Variants in PACRG observed in about 807,000 individuals in gnomAD.
PACRG encodes parkin coregulated gene protein.
PACRG carries 29 observed loss-of-function variants against 29.7 expected under a neutral mutation model. The observed-to-expected ratio is 0.98, with a 90% confidence interval of 0.73 to 1.33. The LOEUF (loss-of-function observed/expected upper bound fraction) is 1.33. Ranked by LOEUF, PACRG falls within the 40% of genes most tolerant of loss-of-function variation. PACRG has a pLI of 0.00. For synonymous variants in PACRG, 116 were observed against 118.7 expected (o/e 0.98, Z 0.15); for missense variants, 279 against 316.2 (o/e 0.88, Z 0.89).
chr6:163,228,306 C>T (rs1408756693), intron 4 of PACRG, among the ~76,000 whole-genome samples: 1 of 126,496 alleles, frequency 7.9e-6, no homozygotes, highest in African/African-American at 3.0e-5. Context: ...AGAGGGTGTT[C>T]TTAATCTACG....
chr6:162,960,034 T>A (rs1173006638), intron 2 of PACRG, among the ~76,000 whole-genome samples: 2 of 151,996 alleles, frequency 1.3e-5, no homozygotes, highest in Non-Finnish European at 2.9e-5. Context: ...ATCAGAGAAA[T>A]GCAAATCAAA....
chr6:162,737,580 G>A (rs985540391), intron 1 of PACRG, among the ~76,000 whole-genome samples: 3 of 152,010 alleles, frequency 2.0e-5, no homozygotes, highest in Non-Finnish European at 4.4e-5. Flanking sequence ...AATTTTTAAC[G>A]AATGTCCACA....
intron 2 of PACRG, among the ~76,000 whole-genome samples, chr6:163,054,762 C>G (rs570693072): frequency 6.6e-6 from 1 of 152,298 alleles, no homozygotes; most frequent in South Asian, 2.1e-4. Flanking sequence ...ACCAGCCATT[C>G]GCATCCCAGT....
intron 2 of PACRG, chr6:163,042,987 TC>T (rs1192748163): frequency 1.2e-4 from 19 of 152,200 alleles, no homozygotes; most frequent in African/African-American, 4.3e-4. Context: ...TATGTTCTTA[TC>T]CCCTAGATTT....
intron 2 of PACRG, among the ~76,000 whole-genome samples, chr6:162,829,169 A>G (rs766594933): frequency 3.9e-5 from 6 of 152,252 alleles, no homozygotes; most frequent in Non-Finnish European, 5.9e-5. Context: ...AAAAACAAAC[A>G]GGAAATGATG....
intron 1 of PACRG, among the ~76,000 whole-genome samples, chr6:162,803,603 G>A (rs1786064519): frequency 6.6e-6 from 1 of 152,080 alleles, no homozygotes; most frequent in Non-Finnish European, 1.5e-5. Flanking sequence ...GGGAAACAAA[G>A]ATGATAAGAT....
intron 2 of PACRG, among the ~76,000 whole-genome samples, chr6:162,996,809 C>A (rs55983894): frequency 0.038 from 5,763 of 152,130 alleles, 340 homozygotes; most frequent in African/African-American, 0.12. Context: ...TTTTCAAATT[C>A]TTTTCTACCA....
intron 2 of PACRG, among the ~76,000 whole-genome samples, chr6:163,040,191 C>G (rs142150720): frequency 9.9e-4 from 151 of 152,340 alleles, no homozygotes; most frequent in African/African-American, 3.5e-3. Flanking sequence ...AGGCCATTGC[C>G]TCAAAGTGTG....
intron 2 of PACRG, among the ~76,000 whole-genome samples, chr6:162,866,656 C>T (rs1245209492): frequency 6.6e-6 from 1 of 152,150 alleles, no homozygotes; most frequent in African/African-American, 2.4e-5. Context: ...ATTTCCAATT[C>T]CCCTGTTTCA....
intron 2 of PACRG, among the ~76,000 whole-genome samples, chr6:162,819,210 A>T (rs1376820322): frequency 6.6e-6 from 1 of 152,146 alleles, no homozygotes; most frequent in East Asian, 1.9e-4. Context: ...GCCTCTACTC[A>T]CTGCCAAAAA....
chr6:162,760,059 T>C (rs987495348), intron 1 of PACRG, among the ~76,000 whole-genome samples: 8 of 152,114 alleles, frequency 5.3e-5, no homozygotes, highest in Non-Finnish European at 1.2e-4. Flanking sequence ...CATTCCTGAT[T>C]GATTTGAGGC....
intron 2 of PACRG, among the ~76,000 whole-genome samples, chr6:162,956,323 C>G (rs1800030099): frequency 6.6e-6 from 1 of 152,146 alleles, no homozygotes; most frequent in South Asian, 2.1e-4. Context: ...TGCTGTTAGT[C>G]TACGGTGACA....
intron 4 of PACRG, among the ~76,000 whole-genome samples, chr6:163,219,127 C>T (rs1356270640): frequency 2.6e-5 from 4 of 152,168 alleles, no homozygotes; most frequent in South Asian, 2.1e-4. Flanking sequence ...GTCCAACCGC[C>T]GCCTCACTAT....
At chr6:163,193,481 G>A (rs1280053616) in intron 4 of PACRG, among the ~76,000 whole-genome samples, 1 of 152,028 alleles carries the variant, frequency 6.6e-6, no homozygotes, top group African/African-American at 2.4e-5. Flanking sequence ...TATCAACAAG[G>A]CGATTGTTCC....
intron 4 of PACRG, among the ~76,000 whole-genome samples, chr6:163,135,184 C>A (rs1051349189): frequency 6.0e-5 from 8 of 133,900 alleles, no homozygotes; most frequent in African/African-American, 1.6e-4. Context: ...CTAGTTAAGT[C>A]ATTTTTTTTT....
chr6:163,074,576 A>T (rs1425135884), intron 3 of PACRG, among the ~76,000 whole-genome samples: 1 of 152,230 alleles, frequency 6.6e-6, no homozygotes, highest in Non-Finnish European at 1.5e-5. Flanking sequence ...TATTAGTAAC[A>T]TAAAGAATAA....
At chr6:163,115,318 G>T (rs1388689883) in intron 4 of PACRG, among the ~76,000 whole-genome samples, 2 of 152,100 alleles carry the variant, frequency 1.3e-5, no homozygotes, top group Non-Finnish European at 2.9e-5. Flanking sequence ...GCTTTCTAGG[G>T]GACCAGTCTG....
chr6:162,922,999 G>C (rs532773777), intron 2 of PACRG, among the ~76,000 whole-genome samples: 12 of 152,004 alleles, frequency 7.9e-5, no homozygotes, highest in Non-Finnish European at 1.8e-4. Context: ...TTTCATAATG[G>C]CTGTACTAAT....
chr6:163,196,817 T>C (rs58028721), intron 4 of PACRG, among the ~76,000 whole-genome samples: 1 of 148,214 alleles, frequency 6.7e-6, no homozygotes, highest in African/African-American at 2.6e-5. Flanking sequence ...GACAGACAAA[T>C]AGATAAACAG....
Sources: gnomAD v4.1 joint callset for allele counts (sites outside exome capture counted in the v4.1 genomes callset) on GRCh38, gnomAD v4.1.1 for gene constraint, MANE v1.5 for transcripts, NCBI Gene and HGNC (gene_info 2026-07-23, HGNC 2026-07-21) for gene names.